Variants in HTR2C observed in about 807,000 individuals in gnomAD.
HTR2C encodes 5-hydroxytryptamine receptor 2C.
HTR2C carries 5 observed loss-of-function variants against 21.0 expected under a neutral mutation model. The observed-to-expected ratio is 0.24, with a 90% CI of 0.12 to 0.50. The LOEUF (loss-of-function observed/expected upper bound fraction) is 0.50, where lower values mean the gene tolerates loss of function less well. HTR2C is among the 20% of genes least tolerant of loss of function. The pLI, the probability that HTR2C is intolerant of heterozygous loss-of-function variation, is 0.98. For missense variants in HTR2C, 271 were observed against 371.2 expected (o/e 0.73, Z 2.22); for synonymous variants, 150 against 145.3 (o/e 1.03, Z -0.23).
At chrX:114,737,067 C>T (rs1556424552) in intron 4 of HTR2C, among the ~76,000 whole-genome samples, 1 of 108,096 alleles carries the variant, frequency 9.3e-6, no homozygotes, top group Non-Finnish European at 1.9e-5. Flanking sequence ...ATTAAATAAT[C>T]TTGAAAAAGG....
intron 4 of HTR2C, among the ~76,000 whole-genome samples, chrX:114,782,211 G>C (rs2070127032): frequency 9.2e-6 from 1 of 108,330 alleles, no homozygotes; most frequent in Non-Finnish European, 1.9e-5. Context: ...ATTTAGTGAA[G>C]TTATACAAGC....
chrX:114,840,703 A>C (rs904265419), intron 4 of HTR2C, among the ~76,000 whole-genome samples: 1 of 111,971 alleles, frequency 8.9e-6, no homozygotes, highest in African/African-American at 3.2e-5. Context: ...CATAAGTATA[A>C]ATTCTGATGA....
intron 4 of HTR2C, among the ~76,000 whole-genome samples, chrX:114,808,345 A>G (rs1362872318): frequency 9.0e-6 from 1 of 110,920 alleles, no homozygotes; most frequent in Non-Finnish European, 1.9e-5. Flanking sequence ...GTATGTGTAC[A>G]TTTTCTTTCT....
At chrX:114,666,849 C>T (rs1009048029) in intron 2 of HTR2C, among the ~76,000 whole-genome samples, 1 of 111,671 alleles carries the variant, frequency 9.0e-6, no homozygotes, top group Non-Finnish European at 1.9e-5. Flanking sequence ...CTGTAAGTTA[C>T]TTCCCTATGC....
intron 2 of HTR2C, among the ~76,000 whole-genome samples, chrX:114,724,393 T>A (rs1405389635): frequency 1.9e-5 from 2 of 103,145 alleles, no homozygotes; most frequent in Middle Eastern, 4.4e-3. Context: ...TCCTTTTATT[T>A]TGAGCCTATG....
At chrX:114,794,516 TCCCTCCC>T (rs1426535827) in intron 4 of HTR2C, among the ~76,000 whole-genome samples, 1 of 70,181 alleles carries the variant, frequency 1.4e-5, no homozygotes, top group Non-Finnish European at 2.7e-5. Flanking sequence ...CCTAATGCTA[TCCCTCCC>T]CCCTCCCCCC....
chrX:114,868,758 G>C (rs1175101183), intron 5 of HTR2C, among the ~76,000 whole-genome samples: 1 of 111,731 alleles, frequency 9.0e-6, no homozygotes, highest in African/African-American at 3.3e-5. Flanking sequence ...TTTCCAAAAA[G>C]GCTGTGATAC....
intron 4 of HTR2C, among the ~76,000 whole-genome samples, chrX:114,785,940 A>G (rs368878530): frequency 8.7e-4 from 98 of 112,532 alleles, no homozygotes; most frequent in African/African-American, 2.8e-3. Context: ...AGTACCCAGA[A>G]TAAGAGTAGT....
intron 4 of HTR2C, among the ~76,000 whole-genome samples, chrX:114,821,091 G>C (rs1181132920): frequency 9.0e-6 from 1 of 111,482 alleles, no homozygotes; most frequent in Non-Finnish European, 1.9e-5. Flanking sequence ...TTCAACCTAT[G>C]ATATGAAAGA....
chrX:114,745,392 G>A lies in HTR2C; in HGVS notation c.349+13785G>A, dbSNP rs146951782. Among the ~76,000 whole-genome samples, 921 of 112,127 alleles carry A rather than the reference G, an allele frequency of 8.2e-3. 12 individuals carry two copies. Among genetic ancestry groups the A allele is most frequent in the African/African-American group, 0.028 (871 of 30,885 alleles). On this transcript the variant is annotated intron_variant, in intron 4 of 5. Transcript: ENST00000276198. ...ACTCCATTAGTATGGGGAACAGTTT[G>A]GAGGTTCCTCGATAAACTAAAAATT...
chrX:114,718,972 TAA>T (rs1359355371), intron 2 of HTR2C, among the ~76,000 whole-genome samples: 4 of 37,496 alleles, frequency 1.1e-4, no homozygotes, highest in Admixed American at 6.4e-4. Flanking sequence ...TATTAATATT[TAA>T]TATATATAAT....
intron 2 of HTR2C, among the ~76,000 whole-genome samples, chrX:114,661,895 A>G (rs1306760979): frequency 3.6e-5 from 4 of 111,957 alleles, no homozygotes; most frequent in African/African-American, 1.3e-4. Context: ...TTGCAAATTA[A>G]CTTCCAAAGC....
rs782734698 is a variant in HTR2C at position 114,814,456 on chromosome X, A to G, written c.350-33547A>G. Among the ~76,000 whole-genome samples the G allele has an allele frequency of 1.8e-4, 20 of 109,774 alleles. No homozygotes were observed. The South Asian group carries it at 7.6e-3, about 42-fold the overall frequency. On this transcript the variant is annotated intron_variant, in intron 4 of 5. Coordinates refer to ENST00000276198, the MANE Select transcript of HTR2C (RefSeq NM_000868.4). ...TGGAACCTAAAACTATAATTTGTAT[A>G]CATCTATCCAGTGTTAACAATTTGT... is the stretch of plus-strand genomic sequence containing the variant.
intron 4 of HTR2C, among the ~76,000 whole-genome samples, chrX:114,739,876 C>G (rs1461270523): frequency 9.0e-6 from 1 of 110,805 alleles, no homozygotes; most frequent in Non-Finnish European, 1.9e-5. Flanking sequence ...GAGGCTGAGG[C>G]AGGTGGATCA....
chrX:114,803,639 G>T (rs782596088), intron 4 of HTR2C, among the ~76,000 whole-genome samples: 1 of 101,918 alleles, frequency 9.8e-6, no homozygotes, highest in Non-Finnish European at 2.0e-5. Context: ...TTAGCCCTTT[G>T]TCAGATGAGT....
At chrX:114,643,384 A>G (rs1930211311) in intron 2 of HTR2C, among the ~76,000 whole-genome samples, 1 of 110,969 alleles carries the variant, frequency 9.0e-6, no homozygotes, top group Admixed American at 9.7e-5. Context: ...CTTCTTTAAT[A>G]TATATGTTAG....
intron 1 of HTR2C, among the ~76,000 whole-genome samples, chrX:114,596,326 G>A (rs1394687861): frequency 8.9e-6 from 1 of 112,139 alleles, no homozygotes; most frequent in Non-Finnish European, 1.9e-5. Flanking sequence ...AGCTTTCAGT[G>A]GAGAATTTTA....
intron 4 of HTR2C, among the ~76,000 whole-genome samples, chrX:114,741,431 G>A (rs949368429): frequency 9.9e-6 from 1 of 100,834 alleles, no homozygotes; most frequent in African/African-American, 3.6e-5. Flanking sequence ...AGGCAGAATT[G>A]CTTGAACCCG....
intron 2 of HTR2C, among the ~76,000 whole-genome samples, chrX:114,726,103 C>T (rs1933458499): frequency 8.9e-6 from 1 of 112,114 alleles, no homozygotes; most frequent in Non-Finnish European, 1.9e-5. Flanking sequence ...GGCGGGCGCC[C>T]CTCCCCCAGC....
Sources: allele counts gnomAD v4.1 joint callset (sites outside exome capture counted in the v4.1 genomes callset), GRCh38; gene constraint gnomAD v4.1.1; transcripts MANE v1.5; gene names NCBI Gene and HGNC (gene_info 2026-07-23, HGNC 2026-07-21).